The following DRC9 variants were observed in gnomAD, a reference collection of about 807,000 sequenced individuals.
DRC9 encodes the protein dynein regulatory complex subunit 9, also known as dynein regulatory complex protein 9.
the DRC9 span, chr3:197,932,122 G>A: frequency 6.4e-7 from 1 of 1,574,298 alleles, no homozygotes; most frequent in Non-Finnish European, 8.7e-7. Context: ...CAGTAAGAGT[G>A]TTTTAGCACT....
At chr3:197,915,811 T>C in the DRC9 span, among the ~76,000 whole-genome samples, 1 of 152,032 alleles carries the variant, frequency 6.6e-6, no homozygotes, top group Non-Finnish European at 1.5e-5. Flanking sequence ...GTATTTTTAG[T>C]AGAGATGGGG....
At chr3:197,936,868 C>A in the DRC9 span, among the ~76,000 whole-genome samples, 1 of 151,446 alleles carries the variant, frequency 6.6e-6, no homozygotes, top group African/African-American at 2.4e-5. Flanking sequence ...ATGAAGCGGG[C>A]AATTTATAAG....
chr3:197,932,575 C>T, the DRC9 span, among the ~76,000 whole-genome samples: 5 of 151,246 alleles, frequency 3.3e-5, no homozygotes, highest in Admixed American at 6.6e-5. Context: ...GTGGAGGTTG[C>T]GGTGAGCAGA....
the DRC9 span, chr3:197,951,672 A>T: frequency 4.1e-6 from 1 of 246,350 alleles, no homozygotes; most frequent in Non-Finnish European, 8.1e-6. Flanking sequence ...TATTGAAATA[A>T]TAAACAAAAG....
chr3:197,910,977 C>CAAAAAAAAA, the DRC9 span, among the ~76,000 whole-genome samples: 1 of 55,560 alleles, frequency 1.8e-5, no homozygotes, highest in African/African-American at 7.8e-5. Flanking sequence ...ATCTCAAAAA[C>CAAAAAAAAA]AAAACAAAAA....
chr3:197,904,481 GA>G, the DRC9 span, among the ~76,000 whole-genome samples: 46 of 152,326 alleles, frequency 3.0e-4, no homozygotes, highest in African/African-American at 1.1e-3. Context: ...ATGTGGAAGA[GA>G]TGTCTGCACT....
the DRC9 span, chr3:197,892,815 T>C: frequency 6.2e-7 from 1 of 1,600,862 alleles, no homozygotes; most frequent in Non-Finnish European, 8.5e-7. Context: ...CGCTGTATAC[T>C]GTATGATTCC....
chr3:197,892,049 A>G, the DRC9 span, among the ~76,000 whole-genome samples: 3 of 152,106 alleles, frequency 2.0e-5, no homozygotes, highest in Non-Finnish European at 4.4e-5. Flanking sequence ...GCCACCATGC[A>G]TGGCTAATTT....
chr3:197,891,218 C>T, the DRC9 span, among the ~76,000 whole-genome samples: 2 of 152,176 alleles, frequency 1.3e-5, no homozygotes, highest in South Asian at 2.1e-4. Flanking sequence ...CCGCTGCTAA[C>T]CACCTCTTTT....
At chr3:197,903,751 T>C in the DRC9 span, among the ~76,000 whole-genome samples, 6 of 151,162 alleles carry the variant, frequency 4.0e-5, no homozygotes, top group African/African-American at 1.5e-4. Context: ...ATGACAAGGG[T>C]TTAATAAACA....
the DRC9 span, among the ~76,000 whole-genome samples, chr3:197,921,139 G>A: frequency 3.0e-5 from 4 of 132,322 alleles, 1 homozygote; most frequent in Non-Finnish European, 4.7e-5. Context: ...CTGGTTTTCA[G>A]TAACTCCGGG....
At chr3:197,944,160 G>A in the DRC9 span, 107 of 922,406 alleles carry the variant, frequency 1.2e-4, 3 homozygotes, top group Admixed American at 1.4e-4. Flanking sequence ...TCACATCGTC[G>A]TATAATAGAA....
chr3:197,892,578 C>T, the DRC9 span: 1 of 1,602,212 alleles, frequency 6.2e-7, no homozygotes, highest in African/African-American at 1.3e-5. Context: ...CAGTGAGCAC[C>T]CTAATTCCTT....
chr3:197,919,220 A>G, the DRC9 span, among the ~76,000 whole-genome samples: 2 of 152,134 alleles, frequency 1.3e-5, no homozygotes, highest in African/African-American at 4.8e-5. Context: ...CTGGATTGGT[A>G]TTTTGCACAA....
the DRC9 span, chr3:197,894,606 A>G: frequency 6.6e-6 from 1 of 152,260 alleles, no homozygotes; most frequent in East Asian, 1.9e-4. Flanking sequence ...GAAGCATTCC[A>G]TATTTGTGTA....
chr3:197,956,658 T>C, the DRC9 span: 2 of 146,090 alleles, frequency 1.4e-5, no homozygotes, highest in African/African-American at 2.6e-5. Flanking sequence ...AGGTCTTGTT[T>C]TGTTGCTTGG....
the DRC9 span, among the ~76,000 whole-genome samples, chr3:197,922,114 G>A: frequency 6.6e-6 from 1 of 152,110 alleles, no homozygotes; most frequent in African/African-American, 2.4e-5. Context: ...TCTAGTCTTG[G>A]TTTCTTTCTT....
the DRC9 span, chr3:197,943,908 T>G: frequency 6.2e-7 from 1 of 1,614,138 alleles, no homozygotes; most frequent in Admixed American, 1.7e-5. Flanking sequence ...CTCTAGAGTT[T>G]CCGGGATTTC....
the DRC9 span, among the ~76,000 whole-genome samples, chr3:197,952,162 G>GGT: frequency 3.6e-4 from 30 of 83,890 alleles, no homozygotes; most frequent in African/African-American, 1.5e-3. Context: ...AAAATTATGG[G>GGT]TTTTTTTTTT....
Sources: allele counts gnomAD v4.1 joint callset (sites outside exome capture counted in the v4.1 genomes callset), GRCh38; gene constraint gnomAD v4.1.1; transcripts MANE v1.5; gene names NCBI Gene and HGNC (gene_info 2026-07-23, HGNC 2026-07-21).